FGD5: variants seen among roughly 807,000 people sequenced by gnomAD.
The protein encoded by FGD5 is FYVE, RhoGEF and PH domain containing 5.
In FGD5, 28 loss-of-function variants were observed where a neutral mutation model predicts 133.4. That is an observed-to-expected ratio of 0.21 (90% CI 0.16 to 0.29). FGD5 has a LOEUF of 0.29. Among genes scored for constraint, FGD5 ranks in the 10% least tolerant of loss-of-function variants. FGD5 has a pLI of 1.00. For synonymous variants in FGD5, 810 were observed against 776.5 expected, an observed-to-expected ratio of 1.04 and a Z score of -0.72; for missense variants, 1,858 against 1,895.2, an observed-to-expected ratio of 0.98 and a Z score of 0.36.
chr3:14,912,108 G>A (rs2038460546), intron 11 of FGD5, among the ~76,000 whole-genome samples: 1 of 152,060 alleles, frequency 6.6e-6, no homozygotes, highest in African/African-American at 2.4e-5. Context: ...CTCGTGAGTG[G>A]GGTCTTCCCC....
At chr3:14,909,912 C>T (rs566215519) in intron 10 of FGD5, among the ~76,000 whole-genome samples, 251 of 151,670 alleles carry the variant, frequency 1.7e-3, no homozygotes, top group Non-Finnish European at 2.9e-3. Flanking sequence ...ACTACAGGCA[C>T]GCACCACCAC....
At chr3:14,840,986 G>A (rs2036910545) in intron 1 of FGD5, among the ~76,000 whole-genome samples, 1 of 152,214 alleles carries the variant, frequency 6.6e-6, no homozygotes, top group Non-Finnish European at 1.5e-5. Context: ...AGTAGCAGGT[G>A]ACTGCAAATA....
At chr3:14,906,387 A>G (rs538892664) in intron 9 of FGD5, among the ~76,000 whole-genome samples, 57 of 152,294 alleles carry the variant, frequency 3.7e-4, no homozygotes, top group Non-Finnish European at 6.2e-4. Flanking sequence ...TACTGGGTCC[A>G]AGGGGTTATC....
At chr3:14,861,885 G>A (rs1346435465) in intron 1 of FGD5, among the ~76,000 whole-genome samples, 4 of 152,108 alleles carry the variant, frequency 2.6e-5, no homozygotes, top group Admixed American at 6.5e-5. Context: ...GGGACAGCAT[G>A]ATCAGATTGG....
At chr3:14,881,506 T>C (rs2037824262) in intron 4 of FGD5, among the ~76,000 whole-genome samples, 1 of 152,174 alleles carries the variant, frequency 6.6e-6, no homozygotes, top group African/African-American at 2.4e-5. Context: ...TTGGGCAGGC[T>C]TCCCTGAGGA....
At chr3:14,862,428 G>T (rs1263215788) in intron 1 of FGD5, among the ~76,000 whole-genome samples, 2 of 152,148 alleles carry the variant, frequency 1.3e-5, no homozygotes, top group Non-Finnish European at 2.9e-5. Flanking sequence ...CAGGTGAGTT[G>T]TCCCTGACCT....
rs61642170 is a variant in FGD5 at position 14,858,355 on chromosome 3, GTGGATGGATGGA to G, written c.2526-5743_2526-5732del. Among the ~76,000 whole-genome samples, 139 of 130,980 alleles carry G rather than the reference GTGGATGGATGGA, an allele frequency of 1.1e-3. 1 individual carries two copies. Among genetic ancestry groups the G allele is most frequent in the African/African-American group, 3.8e-3 (130 of 34,036 alleles). The allele number at this position is 130,980 out of a possible 152,430, so 85.9% of individuals were successfully genotyped here. A position where few individuals can be genotyped will look rare whatever the true frequency, so the allele number is the denominator to read the frequency against. On this transcript the variant is annotated intron_variant, in intron 1 of 19. Transcript: ENST00000285046. ...CCAGTGTCCTGAAGCGGGTGGGTGGGTGGATGGATGGATGGATGGATGGATGGATGGATGGAT... is the reference window on the plus strand; with the variant it reads ...CCAGTGTCCTGAAGCGGGTGGGTGGGTGGATGGATGGATGGATGGATGGAT...
At chr3:14,916,289 A>C (rs1475578993) in intron 11 of FGD5, among the ~76,000 whole-genome samples, 1 of 152,234 alleles carries the variant, frequency 6.6e-6, no homozygotes, top group Non-Finnish European at 1.5e-5. Context: ...TAATATGGTC[A>C]GGATTTACAA....
chr3:14,841,280 T>C (rs2036916039), intron 1 of FGD5, among the ~76,000 whole-genome samples: 1 of 152,160 alleles, frequency 6.6e-6, no homozygotes, highest in African/African-American at 2.4e-5. Context: ...GAGGAATCAT[T>C]GTGAAGATGA....
intron 8 of FGD5, 116 bp downstream of exon 8, chr3:14,900,569 G>T (rs1049483639): frequency 1.6e-6 from 2 of 1,215,000 alleles, no homozygotes; most frequent in East Asian, 2.6e-5. Context: ...CCCACCAGCT[G>T]GGTGGGTTCT....
chr3:14,904,053 T>C (rs1423467109), intron 9 of FGD5, among the ~76,000 whole-genome samples: 2 of 152,198 alleles, frequency 1.3e-5, no homozygotes, highest in African/African-American at 4.8e-5. Context: ...AGCAAGGTAC[T>C]TTTCATCCCA....
chr3:14,865,962 G>A lies in FGD5; in HGVS notation c.2658+1702G>A, dbSNP rs76865848. Among the ~76,000 whole-genome samples the A allele has an allele frequency of 2.6e-3, 398 of 152,332 alleles. 3 individuals carry two copies. The highest frequency in any genetic ancestry group is 8.9e-3 in the African/African-American group (370 of 41,570). ...ATCCCTGAGGTCATGGAATCTGGGA[G>A]CAGAAAGAGATAGTTGCCATCAGAG... On this transcript the variant is annotated intron_variant, in intron 2 of 19. Transcript: ENST00000285046.
Position 14,898,047 on chromosome 3 carries a change from G to A in FGD5, c.3018G>A (p.Glu1006=), listed in dbSNP as rs1412839772. The A allele has an allele frequency of 1.9e-6, 3 of 1,614,030 alleles. No individual in the cohort carries two copies. Among genetic ancestry groups the A allele is most frequent in the East Asian group, 2.2e-5 (1 of 44,886 alleles). The stretch of plus-strand genomic sequence containing the variant: ...ACAGGTACCTAGGTCTGCTCAGTGA[G>A]AATTGCCTCCACTCTCCCCGGCTGG... ...QFDRYLGLLS[E]NCLHSPRLAA... is the part of the protein sequence containing the mutation. The change falls in exon 6 of 20, where the codon GAG becomes GAA. Residue 1006 remains glutamate (E), a synonymous_variant. Coordinates refer to ENST00000285046, the MANE Select transcript of FGD5 (RefSeq NM_152536.4).
intron 9 of FGD5, among the ~76,000 whole-genome samples, chr3:14,906,099 C>T (rs1329882237): frequency 3.9e-5 from 6 of 152,146 alleles, no homozygotes; most frequent in Non-Finnish European, 4.4e-5. Context: ...GGTCAGAGAG[C>T]TTTTCTTTCA....
intron 7 of FGD5, among the ~76,000 whole-genome samples, chr3:14,899,124 T>G (rs1461629385): frequency 6.6e-6 from 1 of 152,148 alleles, no homozygotes; most frequent in African/African-American, 2.4e-5. Context: ...CTCATTTCAC[T>G]GAAGCCACGC....
chr3:14,824,828 A>C (rs1303646591), intron 1 of FGD5, among the ~76,000 whole-genome samples: 1 of 152,234 alleles, frequency 6.6e-6, no homozygotes, highest in Non-Finnish European at 1.5e-5. Context: ...GGCAATTGTA[A>C]AAATAAGATA....
chr3:14,928,741 T>C (rs2038855805), intron 18 of FGD5, among the ~76,000 whole-genome samples: 1 of 152,152 alleles, frequency 6.6e-6, no homozygotes, highest in African/African-American at 2.4e-5. Flanking sequence ...CAAGACTGTC[T>C]TAAAAAATAA....
At chr3:14,826,245 C>T (rs1392655856) in intron 1 of FGD5, among the ~76,000 whole-genome samples, 1 of 152,174 alleles carries the variant, frequency 6.6e-6, no homozygotes, top group Non-Finnish European at 1.5e-5. Flanking sequence ...CTCTCTCTCT[C>T]ACTCGCTCTC....
intron 1 of FGD5, among the ~76,000 whole-genome samples, chr3:14,813,928 C>A (rs748729769): frequency 8.5e-5 from 13 of 152,186 alleles, no homozygotes; most frequent in Non-Finnish European, 1.9e-4. Flanking sequence ...TGCCAGGGGG[C>A]TGGCTGGGGA....
Sources: gnomAD v4.1 joint callset for allele counts (sites outside exome capture counted in the v4.1 genomes callset) on GRCh38, gnomAD v4.1.1 for gene constraint, MANE v1.5 for transcripts, NCBI Gene and HGNC (gene_info 2026-07-23, HGNC 2026-07-21) for gene names.